Variants in RMND1 observed in about 807,000 individuals in gnomAD.
RMND1 encodes the protein required for meiotic nuclear division protein 1 homolog.
A neutral mutation model predicts 54.0 loss-of-function variants in RMND1; 41 were observed. The ratio of observed to expected loss-of-function variants is 0.76; its 90% CI spans 0.59 to 0.98. The LOEUF (loss-of-function observed/expected upper bound fraction) is 0.98. RMND1 is among the 50% of genes least tolerant of loss of function. The probability of loss-of-function intolerance (pLI) is 0.00; values close to 1 mark genes in which losing one functional copy is unlikely to be tolerated. For synonymous variants in RMND1, 183 were observed against 181.7 expected, an observed-to-expected ratio of 1.01 and a Z score of -0.06; for missense variants, 457 against 532.0, an observed-to-expected ratio of 0.86 and a Z score of 1.39.
intron 10 of RMND1, among the ~76,000 whole-genome samples, chr6:151,406,126 T>C (rs1779611637): frequency 6.6e-6 from 1 of 152,236 alleles, no homozygotes; most frequent in Non-Finnish European, 1.5e-5. Flanking sequence ...TTTTAGCAGT[T>C]AAAAGAGGCA....
intron 2 of RMND1, among the ~76,000 whole-genome samples, chr6:151,438,393 T>A (rs1490095010): frequency 2.0e-5 from 3 of 152,072 alleles, no homozygotes; most frequent in Non-Finnish European, 1.5e-5. Context: ...TGGGCTGAAG[T>A]GGGAAGAGCA....
At chr6:151,412,472 CAA>C (rs1040119127) in intron 10 of RMND1, among the ~76,000 whole-genome samples, 89 of 152,240 alleles carry the variant, frequency 5.8e-4, no homozygotes, top group African/African-American at 2.0e-3. Context: ...TTGTTTTTAA[CAA>C]AGAGAGCACA....
At chr6:151,408,477 A>T (rs1373107539) in intron 10 of RMND1, among the ~76,000 whole-genome samples, 1 of 152,142 alleles carries the variant, frequency 6.6e-6, no homozygotes, top group African/African-American at 2.4e-5. Context: ...AGAAAAAAAG[A>T]AGTTAGTACC....
At chr6:151,429,953 C>T (rs1230843373) in intron 5 of RMND1, among the ~76,000 whole-genome samples, 185 bp downstream of exon 5, 3 of 152,108 alleles carry the variant, frequency 2.0e-5, no homozygotes, top group Non-Finnish European at 1.5e-5. Context: ...AAGGAAAAAG[C>T]AGGAAATCTT....
chr6:151,446,730 C>A (rs917634012), intron 1 of RMND1, among the ~76,000 whole-genome samples: 2 of 151,978 alleles, frequency 1.3e-5, no homozygotes, highest in Non-Finnish European at 2.9e-5. Flanking sequence ...CATGGCAAAA[C>A]CCCATCTCTA....
chr6:151,432,817 T>C (rs1470908809), intron 4 of RMND1, among the ~76,000 whole-genome samples: 1 of 152,040 alleles, frequency 6.6e-6, no homozygotes, highest in East Asian at 1.9e-4. Context: ...AGCGGGAGTT[T>C]CCCTGGGGCA....
chr6:151,443,791 TTA>T (rs1374235222), intron 2 of RMND1, among the ~76,000 whole-genome samples: 2 of 152,216 alleles, frequency 1.3e-5, no homozygotes, highest in African/African-American at 2.4e-5. Flanking sequence ...GAAGATATTT[TTA>T]TGTTTTTACT....
chr6:151,450,578 G>A (rs1162349231), intron 1 of RMND1, among the ~76,000 whole-genome samples: 1 of 138,752 alleles, frequency 7.2e-6, no homozygotes, highest in Non-Finnish European at 1.5e-5. Context: ...GGAGGGAGGT[G>A]GGGGGGTCAG....
At chr6:151,411,666 G>A (rs530445127) in intron 10 of RMND1, 2 of 152,282 alleles carry the variant, frequency 1.3e-5, no homozygotes, top group South Asian at 4.2e-4. Context: ...ACTGAGGATG[G>A]ACAGATAAAA....
At chr6:151,423,146 T>G (rs1780202211) in intron 7 of RMND1, among the ~76,000 whole-genome samples, 1 of 152,182 alleles carries the variant, frequency 6.6e-6, no homozygotes, top group African/African-American at 2.4e-5. Context: ...CCCATTCCTA[T>G]GGAACACTAG....
Position 151,405,144 on chromosome 6 carries a change from A to T in RMND1, c.*91T>A. ...CTTGGCCTCCGAAAGTGCTGGGATT[A>T]CAGGCATGAGGCACCGCGCCGGGCC... On this transcript the variant is annotated 3_prime_UTR_variant, in exon 12 of 12. Transcript: ENST00000444024. 1 of 1,142,298 alleles carries T rather than the reference A, an allele frequency of 8.8e-7. No individual in the cohort carries two copies. The highest frequency in any genetic ancestry group is 1.3e-5 in the South Asian group (1 of 78,272). 70.8% of individuals were successfully genotyped at this position (1,142,298 alleles called of 1,614,324 possible).
chr6:151,443,262 A>C (rs1177669907), intron 2 of RMND1, among the ~76,000 whole-genome samples: 1 of 152,144 alleles, frequency 6.6e-6, no homozygotes, highest in African/African-American at 2.4e-5. Context: ...TAAAATCTTC[A>C]AAAAATGATG....
intron 3 of RMND1, chr6:151,436,189 G>T: frequency 2.8e-6 from 1 of 351,578 alleles, no homozygotes. Flanking sequence ...AAATGAAGTA[G>T]TATGACCTCT....
At chr6:151,449,805 C>T (rs1041663300) in intron 1 of RMND1, among the ~76,000 whole-genome samples, 4 of 152,242 alleles carry the variant, frequency 2.6e-5, no homozygotes, top group Non-Finnish European at 4.4e-5. Flanking sequence ...CATGCCGCCA[C>T]GCCTGACTGG....
rs772963700 is a variant in RMND1 at position 151,417,290 on chromosome 6, G to A, written c.1189C>T (p.Arg397Ter). 8 of 1,610,912 alleles carry A rather than the reference G, an allele frequency of 5.0e-6. No individual in the cohort carries two copies. The highest frequency in any genetic ancestry group is 2.2e-5 in the East Asian group (1 of 44,818). The change falls in exon 10 of 12, where the codon CGA becomes TGA. Residue 397 changes from arginine (R) to a stop codon, truncating the protein, a stop_gained. Coordinates refer to ENST00000444024, the MANE Select transcript of RMND1 (RefSeq NM_017909.4). LOFTEE classifies it high-confidence loss of function. ...DKTCQFLSIG[R>*]RVKVMNEKLQ... The stretch of plus-strand genomic sequence containing the variant: ...TGCAAAATACGTACCTTAACTCTTC[G>A]GCCAATGCTAAGGAATTGACACGTT...
intron 4 of RMND1, among the ~76,000 whole-genome samples, 186 bp downstream of exon 4, chr6:151,432,969 G>T (rs1055737439): frequency 6.6e-6 from 1 of 152,012 alleles, no homozygotes; most frequent in Non-Finnish European, 1.5e-5. Context: ...TTTATAAGAG[G>T]GTTTACCAGA....
chr6:151,413,128 C>T (rs1020696554), intron 10 of RMND1, among the ~76,000 whole-genome samples: 4 of 152,188 alleles, frequency 2.6e-5, no homozygotes, highest in African/African-American at 9.7e-5. Context: ...AGCCAATAAC[C>T]ACGAGTGAAC....
At chr6:151,447,679 T>C (rs890123836) in intron 1 of RMND1, among the ~76,000 whole-genome samples, 3 of 152,228 alleles carry the variant, frequency 2.0e-5, no homozygotes, top group East Asian at 1.9e-4. Context: ...TCTAGTCCAA[T>C]TGGCTACTGT....
intron 1 of RMND1, among the ~76,000 whole-genome samples, chr6:151,449,970 G>A (rs1781086661): frequency 6.6e-6 from 1 of 152,188 alleles, no homozygotes; most frequent in Non-Finnish European, 1.5e-5. Context: ...GCACAGGCTG[G>A]AGTGCAGTGG....
Sources: gnomAD v4.1 joint callset for allele counts (sites outside exome capture counted in the v4.1 genomes callset) on GRCh38, gnomAD v4.1.1 for gene constraint, MANE v1.5 for transcripts, NCBI Gene and HGNC (gene_info 2026-07-23, HGNC 2026-07-21) for gene names.